Variants in LARGE1 observed in about 807,000 individuals in gnomAD.
The protein encoded by LARGE1 is LARGE xylosyl- and glucuronyltransferase 1, also known as xylosyl- and glucuronyltransferase LARGE1.
Under a neutral mutation model 87.6 loss-of-function variants are expected in LARGE1, and 43 were observed. The observed-to-expected ratio is 0.49, with a 90% confidence interval of 0.38 to 0.63. The LOEUF is 0.63. Ranked by LOEUF, LARGE1 falls within the 30% of genes least tolerant of loss-of-function variation. The probability of loss-of-function intolerance (pLI) is 0.00; values close to 1 mark genes in which losing one functional copy is unlikely to be tolerated. For missense variants in LARGE1, 802 were observed against 1,000.2 expected, an observed-to-expected ratio of 0.80 and a Z score of 2.67; for synonymous variants, 434 against 394.6, an observed-to-expected ratio of 1.10 and a Z score of -1.18.
At chr22:33,283,049 A>G (rs181691160) in intron 13 of LARGE1, among the ~76,000 whole-genome samples, 153 bp downstream of exon 13, 4 of 152,330 alleles carry the variant, frequency 2.6e-5, no homozygotes, top group South Asian at 4.1e-4. Context: ...GGGAGATTAC[A>G]AGGACGTTGT....
At chr22:33,662,544 C>G (rs1248033880) in intron 2 of LARGE1, among the ~76,000 whole-genome samples, 1 of 152,160 alleles carries the variant, frequency 6.6e-6, no homozygotes. Context: ...GTGTCCAACT[C>G]TGGCCTGCAG....
At chr22:33,592,435 T>C (rs1321524207) in intron 5 of LARGE1, among the ~76,000 whole-genome samples, 2 of 152,182 alleles carry the variant, frequency 1.3e-5, no homozygotes, top group Admixed American at 6.5e-5. Flanking sequence ...GTCTGAGCTT[T>C]GCAGAAACAC....
the LARGE1 span, among the ~76,000 whole-genome samples, chr22:33,118,346 G>A: frequency 2.0e-5 from 3 of 150,864 alleles, no homozygotes; most frequent in Non-Finnish European, 4.4e-5. Context: ...TAAAAAATTA[G>A]CTGGGCATGG....
At chr22:33,893,502 T>A (rs536499333) in intron 1 of LARGE1, among the ~76,000 whole-genome samples, 1 of 152,280 alleles carries the variant, frequency 6.6e-6, no homozygotes, top group South Asian at 2.1e-4. Context: ...CACAGCATAT[T>A]AACAAACGGT....
chr22:33,429,940 G>A (rs2067019275), intron 7 of LARGE1, among the ~76,000 whole-genome samples: 1 of 152,148 alleles, frequency 6.6e-6, no homozygotes. Flanking sequence ...AGGAAACAGA[G>A]TGCCATGTTT....
In LARGE1 at chr22:33,720,692, G is replaced by T. The variant is rs576813620; in HGVS notation, c.106+40679C>A. On this transcript the variant is annotated intron_variant, in intron 2 of 14. Transcript: ENST00000397394. ...CCTGTGGTTACATAAGATTGGAAAAGCAAATATCAGAGAAGGAACTGGCTA... is the reference window on the plus strand; with the variant it reads ...CCTGTGGTTACATAAGATTGGAAAATCAAATATCAGAGAAGGAACTGGCTA... 2.8e-4 allele frequency among the ~76,000 whole-genome samples: 42 copies of T among 152,312 alleles called. No homozygotes were observed. In the South Asian group the frequency reaches 8.3e-3, roughly 30 times the overall value.
intron 1 of LARGE1, among the ~76,000 whole-genome samples, chr22:33,769,917 A>G (rs2085013935): frequency 6.6e-6 from 1 of 152,114 alleles, no homozygotes; most frequent in South Asian, 2.1e-4. Flanking sequence ...CTTGGCAACT[A>G]CTGGTCACAG....
At chr22:33,691,858 C>T (rs1007034880) in intron 2 of LARGE1, among the ~76,000 whole-genome samples, 1 of 152,148 alleles carries the variant, frequency 6.6e-6, no homozygotes, top group Non-Finnish European at 1.5e-5. Context: ...TCCCTGGACT[C>T]TAGGAGAGCA....
rs35830988 is a variant in LARGE1, at chr22:33,373,972, CA to C, written c.1131+7946del. On this transcript the variant is annotated intron_variant, in intron 9 of 14. Coordinates refer to ENST00000397394, the MANE Select transcript of LARGE1 (RefSeq NM_133642.5). ...CTGGGGATAGAGTGAGACTCCGTCT[CA>C]AAAAAAAAAAAAAAAAAAAAAAGTT... 5.6e-3 allele frequency among the ~76,000 whole-genome samples: 335 copies of C among 59,508 alleles called. 3 individuals are homozygous for C. The East Asian group carries it at 0.066, about 12-fold the overall frequency. 39.0% of individuals were successfully genotyped at this position (59,508 alleles called of 152,430 possible).
At chr22:33,143,332 C>A in the LARGE1 span, among the ~76,000 whole-genome samples, 2 of 151,936 alleles carry the variant, frequency 1.3e-5, no homozygotes, top group African/African-American at 4.8e-5. Context: ...AAAAAATAAC[C>A]CCAACTTCAG....
chr22:33,077,007 G>A, the LARGE1 span, among the ~76,000 whole-genome samples: 1 of 152,156 alleles, frequency 6.6e-6, no homozygotes. Context: ...GTGACCCTGA[G>A]CAAGTCATGT....
intron 9 of LARGE1, among the ~76,000 whole-genome samples, chr22:33,357,887 T>C (rs919923388): frequency 1.3e-5 from 2 of 152,214 alleles, no homozygotes; most frequent in East Asian, 3.8e-4. Context: ...TTTTAATCTT[T>C]CCATCTCTTC....
chr22:33,680,143 CAG>C (rs1364344177), intron 2 of LARGE1, among the ~76,000 whole-genome samples: 4 of 152,204 alleles, frequency 2.6e-5, no homozygotes, highest in African/African-American at 9.7e-5. Flanking sequence ...GTTTTAAACA[CAG>C]AGTTCCCTTG....
downstream of LARGE1, among the ~76,000 whole-genome samples, chr22:33,160,648 C>T (rs1921992859): frequency 1.3e-5 from 2 of 152,186 alleles, no homozygotes; most frequent in African/African-American, 4.8e-5. Context: ...AGTGGCAGTC[C>T]TCTCCTGTTC....
intron 11 of LARGE1, among the ~76,000 whole-genome samples, chr22:33,239,185 T>C (rs1178688503): frequency 6.6e-6 from 1 of 152,032 alleles, no homozygotes; most frequent in Non-Finnish European, 1.5e-5. Flanking sequence ...TTATTGTTTC[T>C]CTGTTCATGC....
intron 7 of LARGE1, among the ~76,000 whole-genome samples, chr22:33,428,147 T>C (rs1221745343): frequency 6.6e-6 from 1 of 152,006 alleles, no homozygotes; most frequent in African/African-American, 2.4e-5. Flanking sequence ...TCACATAACC[T>C]CCTTTTTCCA....
chr22:33,832,120 T>C (rs1189772477), intron 1 of LARGE1, among the ~76,000 whole-genome samples: 1 of 152,148 alleles, frequency 6.6e-6, no homozygotes, highest in African/African-American at 2.4e-5. Context: ...TGGGCTCCCA[T>C]AATACCGTGC....
At chr22:33,244,934 C>T (rs1292052691) in intron 11 of LARGE1, among the ~76,000 whole-genome samples, 1 of 151,814 alleles carries the variant, frequency 6.6e-6, no homozygotes, top group African/African-American at 2.4e-5. Flanking sequence ...TACAAGTGGA[C>T]TTTAAAAAGT....
At chr22:33,874,572 G>T (rs181125611) in intron 1 of LARGE1, among the ~76,000 whole-genome samples, 2 of 152,286 alleles carry the variant, frequency 1.3e-5, no homozygotes, top group East Asian at 3.9e-4. Flanking sequence ...GAGTTTGAGG[G>T]TATCTTTTTT....
Sources: gnomAD v4.1 joint callset for allele counts (sites outside exome capture counted in the v4.1 genomes callset) on GRCh38, gnomAD v4.1.1 for gene constraint, MANE v1.5 for transcripts, NCBI Gene and HGNC (gene_info 2026-07-23, HGNC 2026-07-21) for gene names.